The following R3HDM1 variants were observed in gnomAD, a reference collection of about 807,000 sequenced individuals.
R3HDM1 encodes R3H domain-containing protein 1.
R3HDM1 carries 46 observed loss-of-function variants against 141.1 expected under a neutral mutation model. That is an observed-to-expected ratio of 0.33 (90% confidence interval 0.26 to 0.42). R3HDM1 has a LOEUF of 0.42. R3HDM1 is among the 10% of genes least tolerant of loss of function. R3HDM1 has a pLI of 1.00. For synonymous variants in R3HDM1, 435 were observed against 472.9 expected (o/e 0.92, Z 1.04); for missense variants, 1,184 against 1,368.3 (o/e 0.87, Z 2.12).
intron 1 of R3HDM1, among the ~76,000 whole-genome samples, chr2:135,572,979 G>T (rs950867464): frequency 1.3e-5 from 2 of 152,136 alleles, no homozygotes; most frequent in Admixed American, 6.5e-5. Context: ...GTAGATTAGT[G>T]GTTGTCTCGG....
At chr2:135,617,727 A>G (rs1001921136) in intron 5 of R3HDM1, among the ~76,000 whole-genome samples, 2 of 152,140 alleles carry the variant, frequency 1.3e-5, no homozygotes, top group South Asian at 2.1e-4. Context: ...TCCTTTACCA[A>G]TGTTTATCTT....
chr2:135,708,601 TA>T (rs1314539161), intron 21 of R3HDM1, among the ~76,000 whole-genome samples: 2 of 152,256 alleles, frequency 1.3e-5, no homozygotes, highest in East Asian at 3.9e-4. Flanking sequence ...TTAACTATTA[TA>T]AAAAAATTCT....
intron 1 of R3HDM1, among the ~76,000 whole-genome samples, chr2:135,565,498 T>C (rs1320600462): frequency 2.6e-5 from 4 of 151,730 alleles, no homozygotes; most frequent in African/African-American, 9.7e-5. Flanking sequence ...AGTTCAAAAA[T>C]GCTGTTTTAA....
chr2:135,606,923 T>G (rs1328039495), intron 3 of R3HDM1, among the ~76,000 whole-genome samples: 1 of 150,446 alleles, frequency 6.6e-6, no homozygotes, highest in Non-Finnish European at 1.5e-5. Context: ...TTCTTTTGTG[T>G]TTTCTTTTTT....
At chr2:135,625,336 T>G (rs978717438) in intron 7 of R3HDM1, among the ~76,000 whole-genome samples, 1 of 151,960 alleles carries the variant, frequency 6.6e-6, no homozygotes, top group African/African-American at 2.4e-5. Flanking sequence ...TCCTAGCTAC[T>G]TGGGAGGCTG....
rs1559331118 is a variant in R3HDM1 at position 135,645,387 on chromosome 2, TTCA to T, written c.1485_1487del (p.Phe495_Ile496delinsLeu). The T allele has an allele frequency of 6.2e-7, 1 of 1,606,532 alleles. No individual in the cohort carries two copies. Among genetic ancestry groups the T allele is most frequent in the African/African-American group, 1.3e-5 (1 of 74,802 alleles). On this transcript the variant is annotated inframe_deletion, in exon 16 of 27. Coordinates refer to ENST00000683871, the MANE Select transcript of R3HDM1 (RefSeq NM_001378107.1). ...CTTTTTGAATTTTTCAGGTCAGCCC[TTCA>T]TAAACCCAGATGGGAGTCCAGTTGT... is the stretch of plus-strand genomic sequence containing the variant.
intron 18 of R3HDM1, among the ~76,000 whole-genome samples, 184 bp from the exon 19 acceptor site, chr2:135,661,086 A>G (rs902224512): frequency 4.0e-5 from 6 of 151,018 alleles, no homozygotes; most frequent in African/African-American, 1.5e-4. Flanking sequence ...ATGACACATT[A>G]GTTATATTTT....
Position 135,675,365 on chromosome 2 carries a change from A to G in R3HDM1, c.2186A>G (p.Tyr729Cys). ...YQVIPNQQQN[Y>C]QGIVGVQQPQ... The stretch of plus-strand genomic sequence containing the variant: ...GTTATACCCAACCAGCAGCAAAACT[A>G]CCAAGGAATAGTTGGAGTTCAGCAA... The change falls in exon 20 of 27, where the codon TAC becomes TGC. Residue 729 changes from tyrosine (Y) to cysteine (C), a missense_variant. Tyr to Cys is a radical substitution (Grantham distance 194). Transcript: ENST00000683871. 6.2e-7 allele frequency: 1 copy of G among 1,613,966 alleles called. No individual in the cohort carries two copies. The highest frequency in any genetic ancestry group is 8.5e-7 in the Non-Finnish European group (1 of 1,179,890).
intron 1 of R3HDM1, among the ~76,000 whole-genome samples, chr2:135,601,392 G>T (rs1386443091): frequency 6.6e-6 from 1 of 152,140 alleles, no homozygotes; most frequent in Non-Finnish European, 1.5e-5. Flanking sequence ...GGTTTTTGAA[G>T]AGTTAGTATA....
intron 7 of R3HDM1, among the ~76,000 whole-genome samples, chr2:135,630,281 C>CAAAAAAAAAAAAAAAAAAAAAA (rs911009655): frequency 2.5e-5 from 1 of 39,316 alleles, no homozygotes. Context: ...CCTTCTCAAC[C>CAAAAAAAAAAAAAAAAAAAAAA]AAAAAAAAAA....
chr2:135,555,720 T>G (rs982790661), intron 1 of R3HDM1, among the ~76,000 whole-genome samples: 2 of 152,176 alleles, frequency 1.3e-5, no homozygotes, highest in Admixed American at 6.6e-5. Context: ...AGTAGAACAT[T>G]GTATGACAAT....
chr2:135,595,497 C>T (rs1037365646), intron 1 of R3HDM1, among the ~76,000 whole-genome samples: 1 of 152,228 alleles, frequency 6.6e-6, no homozygotes, highest in South Asian at 2.1e-4. Flanking sequence ...GCTGCTTAAT[C>T]TTCCTCTGCC....
intron 23 of R3HDM1, among the ~76,000 whole-genome samples, chr2:135,714,429 G>C (rs2105449983): frequency 6.6e-6 from 1 of 152,288 alleles, no homozygotes; most frequent in East Asian, 1.9e-4. Flanking sequence ...AGACTGTGCT[G>C]TTCTGCTTCA....
intron 3 of R3HDM1, among the ~76,000 whole-genome samples, chr2:135,615,282 T>C (rs1053041139): frequency 4.6e-5 from 7 of 152,062 alleles, no homozygotes; most frequent in African/African-American, 1.7e-4. Context: ...CTAGTCTGGA[T>C]ATTAAGGATT....
At chr2:135,686,330 A>T (rs62168830) in intron 21 of R3HDM1, among the ~76,000 whole-genome samples, 31,148 of 152,248 alleles carry the variant, frequency 0.2, 3,737 homozygotes, top group East Asian at 0.44. Context: ...CTAGATATTT[A>T]TGCAGAAGAA....
chr2:135,724,497 T>C lies in R3HDM1; in HGVS notation c.*205T>C, dbSNP rs2077002157. 1 of 475,606 alleles carries C rather than the reference T, an allele frequency of 2.1e-6. No individual in the cohort carries two copies. The highest frequency in any genetic ancestry group is 3.7e-5 in the Admixed American group (1 of 26,718). The allele number at this position is 475,606 out of a possible 1,614,324, so 29.5% of individuals were successfully genotyped here. A position where few individuals can be genotyped will look rare whatever the true frequency, so the allele number is the denominator to read the frequency against. Reference sequence around the variant, plus strand: ...ACATGACTAGGAATCCACATCAGAATGATACAGAGTTAGCAGGTTTTTCTA... The same window carrying C: ...ACATGACTAGGAATCCACATCAGAACGATACAGAGTTAGCAGGTTTTTCTA... On this transcript the variant is annotated 3_prime_UTR_variant, in exon 27 of 27. Transcript: ENST00000683871.
At chr2:135,696,924 A>G (rs1249245656) in intron 21 of R3HDM1, among the ~76,000 whole-genome samples, 6 of 152,260 alleles carry the variant, frequency 3.9e-5, no homozygotes, top group African/African-American at 1.4e-4. Flanking sequence ...TAATGGAGGA[A>G]TAAAGGTAGA....
intron 1 of R3HDM1, chr2:135,586,938 A>G (rs1708074311): frequency 1.0e-6 from 1 of 985,204 alleles, no homozygotes; most frequent in South Asian, 4.7e-5. Context: ...TACAATGTGA[A>G]TGAGACTTTT....
intron 1 of R3HDM1, chr2:135,590,506 G>A: frequency 1.0e-6 from 1 of 953,912 alleles, no homozygotes; most frequent in African/African-American, 1.8e-5. Flanking sequence ...ATTTGATGTG[G>A]TAGACATAGC....
Sources: allele counts gnomAD v4.1 joint callset (sites outside exome capture counted in the v4.1 genomes callset), GRCh38; gene constraint gnomAD v4.1.1; transcripts MANE v1.5; gene names NCBI Gene and HGNC (gene_info 2026-07-23, HGNC 2026-07-21).